SLC24A2: variants seen among roughly 807,000 people sequenced by gnomAD.
SLC24A2 encodes sodium/potassium/calcium exchanger 2.
A neutral mutation model predicts 62.0 loss-of-function variants in SLC24A2; 36 were observed. The ratio of observed to expected loss-of-function variants is 0.58; its 90% CI spans 0.44 to 0.77. SLC24A2 has a LOEUF of 0.77. SLC24A2 is among the 30% of genes least tolerant of loss of function. SLC24A2 has a pLI of 0.00. For missense variants in SLC24A2, 846 were observed against 817.9 expected (o/e 1.03, Z -0.42); for synonymous variants, 358 against 294.0 (o/e 1.22, Z -2.23).
At chr9:20,279,421 C>G in the SLC24A2 span, among the ~76,000 whole-genome samples, 1 of 152,294 alleles carries the variant, frequency 6.6e-6, no homozygotes, top group South Asian at 2.1e-4. Flanking sequence ...ATCCCAGCTA[C>G]TCAGAAGGCT....
the SLC24A2 span, among the ~76,000 whole-genome samples, chr9:20,114,011 A>T: frequency 2.6e-5 from 4 of 152,158 alleles, no homozygotes; most frequent in Non-Finnish European, 5.9e-5. Flanking sequence ...GTGATTCCAG[A>T]CCACATCGTA....
At chr9:19,648,208 G>A (rs1439886956) in intron 2 of SLC24A2, among the ~76,000 whole-genome samples, 1 of 152,120 alleles carries the variant, frequency 6.6e-6, no homozygotes, top group Non-Finnish European at 1.5e-5. Context: ...GGTGCAGCAA[G>A]GTTAAACAAC....
chr9:20,125,136 G>C, the SLC24A2 span, among the ~76,000 whole-genome samples: 5 of 152,264 alleles, frequency 3.3e-5, no homozygotes, highest in Admixed American at 6.5e-5. Context: ...AAAAAGATTA[G>C]TACAAGGTGC....
At chr9:20,105,067 A>T in the SLC24A2 span, among the ~76,000 whole-genome samples, 2 of 152,222 alleles carry the variant, frequency 1.3e-5, no homozygotes, top group Non-Finnish European at 2.9e-5. Context: ...GATAAAACAG[A>T]CTTTAAACCA....
At chr9:20,021,510 T>A in the SLC24A2 span, among the ~76,000 whole-genome samples, 1 of 152,030 alleles carries the variant, frequency 6.6e-6, no homozygotes, top group South Asian at 2.1e-4. Context: ...GTTCTGGATT[T>A]TCTTGCCCTG....
chr9:19,912,177 T>C, the SLC24A2 span, among the ~76,000 whole-genome samples: 2 of 152,012 alleles, frequency 1.3e-5, no homozygotes, highest in African/African-American at 2.4e-5. Context: ...CTGAGACACA[T>C]GCTTCCCCTA....
the SLC24A2 span, among the ~76,000 whole-genome samples, chr9:19,853,475 A>G: frequency 6.6e-6 from 1 of 152,178 alleles, no homozygotes. Context: ...ATTTTGAGGT[A>G]TGTTCCTTCA....
At chr9:19,608,444 G>T (rs78384065) in intron 4 of SLC24A2, among the ~76,000 whole-genome samples, 2,481 of 152,130 alleles carry the variant, frequency 0.016, 53 homozygotes, top group East Asian at 0.1. Flanking sequence ...AAGTGTCTGT[G>T]TTAAAGACTT....
chr9:19,972,828 T>A, the SLC24A2 span, among the ~76,000 whole-genome samples: 1 of 151,450 alleles, frequency 6.6e-6, no homozygotes, highest in Non-Finnish European at 1.5e-5. Context: ...GTGAGCAACC[T>A]TGCCAAAGTT....
chr9:19,990,741 T>C, the SLC24A2 span, among the ~76,000 whole-genome samples: 11 of 150,976 alleles, frequency 7.3e-5, no homozygotes, highest in Non-Finnish European at 1.3e-4. Context: ...TGAAATCTTA[T>C]GCTGGCCCTC....
At chr9:19,611,490 C>T (rs1289610798) in intron 4 of SLC24A2, among the ~76,000 whole-genome samples, 1 of 151,010 alleles carries the variant, frequency 6.6e-6, no homozygotes, top group Admixed American at 6.6e-5. Flanking sequence ...AGGGGAAAGG[C>T]GGAAGGAGGT....
intron 2 of SLC24A2, among the ~76,000 whole-genome samples, chr9:19,662,850 A>T (rs1450605335): frequency 5.3e-5 from 8 of 152,292 alleles, no homozygotes; most frequent in African/African-American, 1.9e-4. Context: ...GGTTTCATTC[A>T]CTGCCCCATG....
At chr9:19,742,668 C>G (rs1821715234) in intron 2 of SLC24A2, among the ~76,000 whole-genome samples, 1 of 152,182 alleles carries the variant, frequency 6.6e-6, no homozygotes, top group African/African-American at 2.4e-5. Context: ...GGGCCTGGCC[C>G]TCCTTTCATG....
intron 7 of SLC24A2, among the ~76,000 whole-genome samples, chr9:19,557,914 G>A (rs917860114): frequency 1.3e-5 from 2 of 151,542 alleles, no homozygotes; most frequent in African/African-American, 4.9e-5. Context: ...CATCTCCCTG[G>A]GCTCAAGCAA....
At chr9:20,211,458 G>C in the SLC24A2 span, among the ~76,000 whole-genome samples, 3,398 of 152,292 alleles carry the variant, frequency 0.022, 79 homozygotes, top group South Asian at 0.092. Context: ...GTTGCCGTGA[G>C]CTGAGATCAC....
chr9:20,071,058 C>T, the SLC24A2 span, among the ~76,000 whole-genome samples: 1 of 152,170 alleles, frequency 6.6e-6, no homozygotes, highest in Non-Finnish European at 1.5e-5. Context: ...CCCATTCTCT[C>T]TCTTCTTCCT....
chr9:19,819,500 G>T, the SLC24A2 span, among the ~76,000 whole-genome samples: 1 of 151,538 alleles, frequency 6.6e-6, no homozygotes, highest in Non-Finnish European at 1.5e-5. Flanking sequence ...CAATCAGTAA[G>T]ATCAAAATCA....
chr9:20,143,169 C>T, the SLC24A2 span, among the ~76,000 whole-genome samples: 5 of 152,126 alleles, frequency 3.3e-5, no homozygotes, highest in Admixed American at 2.6e-4. Flanking sequence ...AAGTGACATG[C>T]AAATGCAGCA....
chr9:19,798,191 G>A, the SLC24A2 span, among the ~76,000 whole-genome samples: 1 of 152,032 alleles, frequency 6.6e-6, no homozygotes, highest in Admixed American at 6.5e-5. Context: ...TGATATTTAT[G>A]TTTTTAATGC....
Sources: gnomAD v4.1 joint callset for allele counts (sites outside exome capture counted in the v4.1 genomes callset) on GRCh38, gnomAD v4.1.1 for gene constraint, MANE v1.5 for transcripts, NCBI Gene and HGNC (gene_info 2026-07-23, HGNC 2026-07-21) for gene names.